ERBB4: variants seen among roughly 807,000 people sequenced by gnomAD.
ERBB4 encodes the protein erb-b2 receptor tyrosine kinase 4.
Under a neutral mutation model 158.0 loss-of-function variants are expected in ERBB4, and 42 were observed. That is an observed-to-expected ratio of 0.27 (90% CI 0.21 to 0.34). The LOEUF (loss-of-function observed/expected upper bound fraction) is 0.34, where lower values mean the gene tolerates loss of function less well. ERBB4 is among the 10% of genes least tolerant of loss of function. ERBB4 has a pLI of 1.00. For synonymous variants in ERBB4, 583 were observed against 558.7 expected (o/e 1.04, Z -0.61); for missense variants, 1,333 against 1,624.1 (o/e 0.82, Z 3.08).
At chr2:211,491,690 C>T (rs142469156) in intron 20 of ERBB4, among the ~76,000 whole-genome samples, 3 of 151,896 alleles carry the variant, frequency 2.0e-5, no homozygotes, top group Admixed American at 6.6e-5. Flanking sequence ...AAAATTAGAG[C>T]CTTTAGAAAG....
chr2:212,506,486 T>C (rs1214090490), intron 1 of ERBB4, among the ~76,000 whole-genome samples: 1 of 151,192 alleles, frequency 6.6e-6, no homozygotes, highest in African/African-American at 2.4e-5. Flanking sequence ...GAAAAGTTAT[T>C]GAAGAAAATT....
chr2:212,317,982 ATCCT>A (rs2087371931), intron 1 of ERBB4, among the ~76,000 whole-genome samples: 1 of 151,704 alleles, frequency 6.6e-6, no homozygotes, highest in East Asian at 1.9e-4. Context: ...TATATGCTTT[ATCCT>A]TCCTTAAGTT....
chr2:212,292,723 G>A (rs1189657194), intron 1 of ERBB4, among the ~76,000 whole-genome samples: 1 of 152,014 alleles, frequency 6.6e-6, no homozygotes, highest in Non-Finnish European at 1.5e-5. Flanking sequence ...ACTGTATTAT[G>A]AATAGACAAA....
chr2:212,400,281 G>T (rs2091163860), intron 1 of ERBB4, among the ~76,000 whole-genome samples: 1 of 152,138 alleles, frequency 6.6e-6, no homozygotes, highest in Non-Finnish European at 1.5e-5. Flanking sequence ...CAGGCCAAGA[G>T]GCTACTGCAG....
chr2:211,993,691 A>G (rs2082132463), intron 2 of ERBB4, among the ~76,000 whole-genome samples: 2 of 151,924 alleles, frequency 1.3e-5, no homozygotes, highest in Non-Finnish European at 2.9e-5. Flanking sequence ...TATTGGTATG[A>G]CATTTTTGCC....
At chr2:211,550,999 G>A (rs1411446601) in intron 20 of ERBB4, among the ~76,000 whole-genome samples, 1 of 151,180 alleles carries the variant, frequency 6.6e-6, no homozygotes, top group East Asian at 1.9e-4. Flanking sequence ...GGAGTGCAGT[G>A]GTGCAATCAC....
chr2:211,897,385 T>C (rs571334028), intron 3 of ERBB4, among the ~76,000 whole-genome samples: 1 of 151,196 alleles, frequency 6.6e-6, no homozygotes, highest in South Asian at 2.1e-4. Flanking sequence ...ACCTTTATAA[T>C]GATGCATATG....
At chr2:211,441,051 C>T (rs1465274846) in intron 20 of ERBB4, among the ~76,000 whole-genome samples, 1 of 152,182 alleles carries the variant, frequency 6.6e-6, no homozygotes, top group East Asian at 1.9e-4. Context: ...TGCCCTCCTT[C>T]CTCAGGCTTG....
intron 2 of ERBB4, among the ~76,000 whole-genome samples, chr2:212,111,031 A>T (rs1333701538): frequency 6.6e-6 from 1 of 152,174 alleles, no homozygotes; most frequent in African/African-American, 2.4e-5. Flanking sequence ...ATTTCCAATG[A>T]GGGGCTCTTC....
intron 14 of ERBB4, among the ~76,000 whole-genome samples, chr2:211,672,951 ATATTT>A (rs2105938101): frequency 6.6e-6 from 1 of 152,322 alleles, no homozygotes; most frequent in African/African-American, 2.4e-5. Flanking sequence ...TAACTATTTT[ATATTT>A]TATCTGGAGA....
chr2:211,564,704 T>G (rs2067498421), intron 19 of ERBB4, among the ~76,000 whole-genome samples: 1 of 151,874 alleles, frequency 6.6e-6, no homozygotes. Flanking sequence ...GAAGAGTACA[T>G]AAAATCAAGG....
Position 211,981,711 on chromosome 2 carries a change from A to G in ERBB4, c.235-34095T>C, listed in dbSNP as rs922347335. Among the ~76,000 whole-genome samples the G allele has an allele frequency of 3.9e-4, 60 of 152,292 alleles. 1 individual carries two copies. Among genetic ancestry groups the G allele is most frequent in the Admixed American group, 2.4e-3 (37 of 15,298 alleles). ...TGGACACTTTTGTACATACCAAAGC[A>G]GAACTAATCATTTTATCTTTTGCTA... On this transcript the variant is annotated intron_variant, in intron 2 of 27. Coordinates refer to ENST00000342788, the MANE Select transcript of ERBB4 (RefSeq NM_005235.3).
intron 20 of ERBB4, among the ~76,000 whole-genome samples, chr2:211,447,595 A>G (rs1204400054): frequency 6.6e-6 from 1 of 152,226 alleles, no homozygotes; most frequent in Non-Finnish European, 1.5e-5. Flanking sequence ...GCTTAGAAAT[A>G]CATGTTACTT....
intron 3 of ERBB4, among the ~76,000 whole-genome samples, chr2:211,883,004 C>T (rs916219127): frequency 9.9e-5 from 15 of 152,136 alleles, no homozygotes; most frequent in East Asian, 7.7e-4. Context: ...CACATGCACA[C>T]GTATGTTTAT....
At chr2:212,424,518 T>A (rs2091863267) in intron 1 of ERBB4, among the ~76,000 whole-genome samples, 1 of 152,158 alleles carries the variant, frequency 6.6e-6, no homozygotes, top group Non-Finnish European at 1.5e-5. Flanking sequence ...CAAGGCTATA[T>A]AAAAAAGAGA....
At chr2:212,191,989 G>A (rs148220832) in intron 1 of ERBB4, among the ~76,000 whole-genome samples, 21,132 of 91,408 alleles carry the variant, frequency 0.23, 1,972 homozygotes, top group Non-Finnish European at 0.25. Flanking sequence ...TATGTTATAT[G>A]TTATATATGT....
chr2:212,165,271 AT>A (rs1406791480), intron 1 of ERBB4, among the ~76,000 whole-genome samples: 2 of 151,734 alleles, frequency 1.3e-5, no homozygotes, highest in Non-Finnish European at 2.9e-5. Context: ...TTCATCATGA[AT>A]TTTTTAATAT....
intron 2 of ERBB4, among the ~76,000 whole-genome samples, chr2:212,067,546 T>C (rs962127149): frequency 2.0e-5 from 3 of 151,986 alleles, no homozygotes; most frequent in African/African-American, 7.2e-5. Flanking sequence ...AGGCCAAAAC[T>C]GGACAGCATT....
At chr2:211,761,945 G>C (rs73985847) in intron 4 of ERBB4, among the ~76,000 whole-genome samples, 3,778 of 152,108 alleles carry the variant, frequency 0.025, 165 homozygotes, top group African/African-American at 0.087. Context: ...TGGAACTGTG[G>C]GTAAAGAACT....
Sources: gnomAD v4.1 joint callset for allele counts (sites outside exome capture counted in the v4.1 genomes callset) on GRCh38, gnomAD v4.1.1 for gene constraint, MANE v1.5 for transcripts, NCBI Gene and HGNC (gene_info 2026-07-23, HGNC 2026-07-21) for gene names.